ASS1: variants seen among roughly 807,000 people sequenced by gnomAD.
ASS1 encodes the protein argininosuccinate synthase.
In ASS1, 58 loss-of-function variants were observed where a neutral mutation model predicts 60.5. That is an observed-to-expected ratio of 0.96 (90% CI 0.78 to 1.19). The LOEUF is 1.19. Ranked by LOEUF, ASS1 falls within the 50% of genes most tolerant of loss-of-function variation. The probability of loss-of-function intolerance (pLI) is 0.00; values close to 1 mark genes in which losing one functional copy is unlikely to be tolerated. For synonymous variants in ASS1, 200 were observed against 206.9 expected, an observed-to-expected ratio of 0.97 and a Z score of 0.29; for missense variants, 454 against 547.3, an observed-to-expected ratio of 0.83 and a Z score of 1.70.
rs1203001708 is a variant in ASS1 at position 130,494,389 on chromosome 9, G to A, written c.971-478G>A. ...GCACAGAGAGGGGAAGGCTATGCAT[G>A]GCCATGGTCTGAACCACCACCCAGC... On this transcript the variant is annotated intron_variant, in intron 12 of 14. Transcript: ENST00000352480. The surrounding 1 kb of genome is among the most constrained non-coding windows in gnomAD (Gnocchi z 4.3). 6.6e-6 allele frequency among the ~76,000 whole-genome samples: 1 copy of A among 152,216 alleles called. No individual in the cohort carries two copies. Among genetic ancestry groups the A allele is most frequent in the Non-Finnish European group, 1.5e-5 (1 of 68,038 alleles).
chr9:130,456,405 G>T (rs900578907), intron 3 of ASS1, among the ~76,000 whole-genome samples: 4 of 151,606 alleles, frequency 2.6e-5, no homozygotes, highest in African/African-American at 9.7e-5. Flanking sequence ...GGCGGAGGTT[G>T]CAGTAAGCTG....
chr9:130,480,037 C>A, intron 10 of ASS1: 1 of 697,010 alleles, frequency 1.4e-6, no homozygotes, highest in Non-Finnish European at 2.7e-6. Context: ...TCCAAGGGAT[C>A]ATTAGGCCGG....
At position 130,459,714 on chromosome 9, in the gene ASS1, C is replaced by T. The variant is rs910519878; in HGVS notation, c.363+1125C>T. 9.9e-5 allele frequency among the ~76,000 whole-genome samples: 15 copies of T among 152,224 alleles called. No homozygotes were observed. The highest frequency in any genetic ancestry group is 3.4e-4 in the African/African-American group (14 of 41,464). On this transcript the variant is annotated intron_variant, in intron 4 of 14. Coordinates refer to ENST00000352480, the MANE Select transcript of ASS1 (RefSeq NM_054012.4). The surrounding 1 kb of genome is among the most constrained non-coding windows in gnomAD (Gnocchi z 4.6). ...CCTCCCAAAGCACTGGGATTACAGG[C>T]GTGGGCCACCATGCCCAGCCTTAAC...
intron 3 of ASS1, among the ~76,000 whole-genome samples, chr9:130,455,150 T>C (rs942436404): frequency 1.4e-5 from 2 of 144,866 alleles, no homozygotes; most frequent in South Asian, 4.3e-4. Flanking sequence ...CATCCATCCA[T>C]CCATCATTCT....
At position 130,476,376 on chromosome 9, in the gene ASS1, T is replaced by G. The variant is rs1846019556; in HGVS notation, c.598-495T>G. The G allele has an allele frequency of 5.7e-6, 1 of 175,254 alleles. No individual in the cohort carries two copies. The highest frequency in any genetic ancestry group is 1.2e-5 in the Non-Finnish European group (1 of 81,964). 10.9% of individuals were successfully genotyped at this position (175,254 alleles called of 1,614,324 possible). On this transcript the variant is annotated intron_variant, in intron 8 of 14. Coordinates refer to ENST00000352480, the MANE Select transcript of ASS1 (RefSeq NM_054012.4). This position sits in a 1 kb window ranked among gnomAD's most constrained non-coding sequence, Gnocchi z 4.9. ...TTCAAATGGGTTTTTGCTTTGCTCT[T>G]CTCTTTTCTCCCTGTGAGTATTAAC...
chr9:130,454,878 CCCATCCATCCAT>C (rs1438157984), intron 3 of ASS1, among the ~76,000 whole-genome samples: 1 of 147,762 alleles, frequency 6.8e-6, no homozygotes, highest in East Asian at 2.1e-4. Context: ...CATCCATCCA[CCCATCCATCCAT>C]CACCCATCCA....
rs868631958 is a variant in ASS1 at position 130,496,083 on chromosome 9, G to A, written c.1127+1060G>A. Among the ~76,000 whole-genome samples, 6 of 152,220 alleles carry A rather than the reference G, an allele frequency of 3.9e-5. No homozygotes were observed. The Middle Eastern group carries it at 0.01, about 259-fold the overall frequency. Reference sequence around the variant, plus strand: ...TAGGCATTTTGATGTTCTCTGAAGCGCTGGGCCAAGAGAGACTGCCTAGGG... The same window carrying A: ...TAGGCATTTTGATGTTCTCTGAAGCACTGGGCCAAGAGAGACTGCCTAGGG... On this transcript the variant is annotated intron_variant, in intron 13 of 14. Transcript: ENST00000352480.
intron 6 of ASS1, among the ~76,000 whole-genome samples, chr9:130,468,765 C>G (rs368772891): frequency 1.3e-5 from 2 of 152,178 alleles, no homozygotes; most frequent in East Asian, 3.9e-4. Context: ...TTTGTAGAGA[C>G]AGGGTCTTGC....
In ASS1 at chr9:130,459,505, C is replaced by T. The variant is rs929529427; in HGVS notation, c.363+916C>T. 6.6e-5 allele frequency among the ~76,000 whole-genome samples: 10 copies of T among 152,176 alleles called. No homozygotes were observed. The East Asian group carries it at 1.9e-3, about 29-fold the overall frequency. ...GGAGTGCAGTGGCTCGATCTTGGCT[C>T]ACTGCAACCTCTGCCTCCCAGATTG... On this transcript the variant is annotated intron_variant, in intron 4 of 14. Transcript: ENST00000352480. The surrounding 1 kb of genome is among the most constrained non-coding windows in gnomAD (Gnocchi z 4.6).
In ASS1 at chr9:130,452,088, T is replaced by C. The variant is rs1404728360; in HGVS notation, c.-5-136T>C. On this transcript the variant is annotated intron_variant, in intron 1 of 14. Coordinates refer to ENST00000352480, the MANE Select transcript of ASS1 (RefSeq NM_054012.4). ...GCAGGCACTGAAGGTGAACATCCTG[T>C]TCCCGACCTTCAGTGGCAGCTTGCC... 7.8e-6 allele frequency: 6 copies of C among 770,874 alleles called. No individual in the cohort carries two copies. In the African/African-American group the frequency reaches 1.0e-4, roughly 13 times the overall value. The allele number at this position is 770,874 out of a possible 1,614,324, so 47.8% of individuals were successfully genotyped here. A position where few individuals can be genotyped will look rare whatever the true frequency, so the allele number is the denominator to read the frequency against.
intron 8 of ASS1, among the ~76,000 whole-genome samples, chr9:130,472,386 C>T (rs62582571): frequency 0.097 from 14,823 of 152,208 alleles, 790 homozygotes; most frequent in Middle Eastern, 0.11. Flanking sequence ...CGTGCCGCCC[C>T]CTGGTCGGTG....
intron 3 of ASS1, among the ~76,000 whole-genome samples, chr9:130,458,161 A>G (rs941028082): frequency 2.7e-5 from 4 of 149,434 alleles, no homozygotes; most frequent in African/African-American, 9.7e-5. Flanking sequence ...TTCGACTCAA[A>G]AAAAAAAAAA....
chr9:130,479,581 G>A, intron 9 of ASS1, 135 bp from the exon 10 acceptor site: 1 of 761,864 alleles, frequency 1.3e-6, no homozygotes, highest in Non-Finnish European at 2.3e-6. Flanking sequence ...CAGGGCTTTT[G>A]AAGGAGTCAT....
chr9:130,470,972 C>T lies in ASS1; in HGVS notation c.566+68C>T, dbSNP rs1436579906. 6 of 1,551,070 alleles carry T rather than the reference C, an allele frequency of 3.9e-6. No homozygotes were observed. The Admixed American group carries it at 1.0e-4, about 26-fold the overall frequency. On this transcript the variant is annotated intron_variant, in intron 7 of 14. Coordinates refer to ENST00000352480, the MANE Select transcript of ASS1 (RefSeq NM_054012.4). The surrounding 1 kb of genome is among the most constrained non-coding windows in gnomAD (Gnocchi z 4.3). ...TTCCAAAGGACGGCCACGCGCTGCCCCAGGACGTCCTGGTGACCCCCACAC... is the reference window on the plus strand; with the variant it reads ...TTCCAAAGGACGGCCACGCGCTGCCTCAGGACGTCCTGGTGACCCCCACAC...
intron 11 of ASS1, among the ~76,000 whole-genome samples, chr9:130,487,415 T>TA (rs35487019): frequency 1.4e-5 from 2 of 147,494 alleles, no homozygotes; most frequent in East Asian, 2.1e-4. Context: ...TTTTTTTTTT[T>TA]AATTTAAAAC....
At chr9:130,483,459 G>A (rs1846219048) in intron 11 of ASS1, among the ~76,000 whole-genome samples, 1 of 151,540 alleles carries the variant, frequency 6.6e-6, no homozygotes, top group Non-Finnish European at 1.5e-5. Context: ...GCCGCGGCTG[G>A]AGTAGCTTTC....
rs1285877211 is a variant in ASS1, at chr9:130,470,055, C to G, written c.496-779C>G. On this transcript the variant is annotated intron_variant, in intron 6 of 14. Coordinates refer to ENST00000352480, the MANE Select transcript of ASS1 (RefSeq NM_054012.4). The surrounding 1 kb of genome is among the most constrained non-coding windows in gnomAD (Gnocchi z 4.3). ...GCAGGAGGAGGCTGGAGTGCACGAG[C>G]TGGATTCCAGTCGGGCGTCATCAAG... Among the ~76,000 whole-genome samples, 1 of 152,158 alleles carries G rather than the reference C, an allele frequency of 6.6e-6. No homozygotes were observed. Among genetic ancestry groups the G allele is most frequent in the African/African-American group, 2.4e-5 (1 of 41,440 alleles).
At position 130,477,078 on chromosome 9, in the gene ASS1, A is replaced by G; in HGVS notation, c.688+117A>G. 1 of 1,123,994 alleles carries G rather than the reference A, an allele frequency of 8.9e-7. No individual in the cohort carries two copies. The highest frequency in any genetic ancestry group is 1.3e-6 in the Non-Finnish European group (1 of 757,590). The allele number at this position is 1,123,994 out of a possible 1,614,324, so 69.6% of individuals were successfully genotyped here. ...CCCCCGCCCTGCATTCCTGGAAGCTAGAGTTCAGGCAGGGGCTTCAAGGTA... is the reference window on the plus strand; with the variant it reads ...CCCCCGCCCTGCATTCCTGGAAGCTGGAGTTCAGGCAGGGGCTTCAAGGTA... On this transcript the variant is annotated intron_variant, in intron 9 of 14. Coordinates refer to ENST00000352480, the MANE Select transcript of ASS1 (RefSeq NM_054012.4). The surrounding 1 kb of genome is among the most constrained non-coding windows in gnomAD (Gnocchi z 4.2).
rs1252969399 is a variant in ASS1, at chr9:130,489,610, G to T, written c.970+146G>T. The T allele has an allele frequency of 6.5e-6, 9 of 1,390,780 alleles. No individual in the cohort carries two copies. Among genetic ancestry groups the T allele is most frequent in the Non-Finnish European group, 9.1e-6 (9 of 991,470 alleles). The allele number at this position is 1,390,780 out of a possible 1,614,324, so 86.2% of individuals were successfully genotyped here. A position where few individuals can be genotyped will look rare whatever the true frequency, so the allele number is the denominator to read the frequency against. ...CCATCCTCATGTGAGACCCCAAAAG[G>T]TGCAGGCCAAAGGGGGTTGAGGGAA... is the stretch of plus-strand genomic sequence containing the variant. On this transcript the variant is annotated intron_variant, in intron 12 of 14. Coordinates refer to ENST00000352480, the MANE Select transcript of ASS1 (RefSeq NM_054012.4). This position sits in a 1 kb window ranked among gnomAD's most constrained non-coding sequence, Gnocchi z 4.1.
Sources: allele counts gnomAD v4.1 joint callset (sites outside exome capture counted in the v4.1 genomes callset), GRCh38; gene constraint gnomAD v4.1.1; non-coding constraint Gnocchi (gnomAD v3.1); transcripts MANE v1.5; gene names NCBI Gene and HGNC (gene_info 2026-07-23, HGNC 2026-07-21).